Variants in CENPF observed in about 807,000 individuals in gnomAD.
CENPF encodes AH antigen.
In CENPF, 214 loss-of-function variants were observed where a neutral mutation model predicts 307.3. The ratio of observed to expected loss-of-function variants is 0.70; its 90% CI spans 0.62 to 0.78. The LOEUF is 0.78. Ranked by LOEUF, CENPF falls within the 30% of genes least tolerant of loss-of-function variation. The pLI, the probability that CENPF is intolerant of heterozygous loss-of-function variation, is 0.00. For synonymous variants in CENPF, 1,259 were observed against 1,270.6 expected (o/e 0.99, Z 0.19); for missense variants, 3,401 against 3,483.9 (o/e 0.98, Z 0.60).
At chr1:214,605,636 G>A (rs1657003972) in intron 1 of CENPF, 10 of 1,512,368 alleles carry the variant, frequency 6.6e-6, no homozygotes, top group East Asian at 2.3e-5. Flanking sequence ...AGGTCCGGGG[G>A]CTGCCTTATT....
intron 2 of CENPF, 85 bp downstream of exon 2, chr1:214,614,001 G>C: frequency 8.0e-7 from 1 of 1,254,706 alleles, no homozygotes; most frequent in Non-Finnish European, 1.1e-6. Context: ...ACTCATTTTT[G>C]GATTAATTAT....
chr1:214,626,394 C>G (rs1487716624), intron 7 of CENPF, among the ~76,000 whole-genome samples: 1 of 152,116 alleles, frequency 6.6e-6, no homozygotes, highest in Non-Finnish European at 1.5e-5. Context: ...TGTGATTATT[C>G]CATCTTCCTG....
At chr1:214,660,440 A>T (rs1240915040) in intron 19 of CENPF, among the ~76,000 whole-genome samples, 1 of 152,228 alleles carries the variant, frequency 6.6e-6, no homozygotes, top group Non-Finnish European at 1.5e-5. Flanking sequence ...GAGAATATAT[A>T]TTTAATATAC....
chr1:214,647,060 T>C lies in CENPF; in HGVS notation c.7490T>C (p.Ile2497Thr), dbSNP rs1341818687. Residue 2497 changes from isoleucine (I) to threonine (T), a missense_variant, in exon 13 of 20, where the codon ATT becomes ACT. Ile to Thr is a moderately conservative substitution (Grantham distance 89). Transcript: ENST00000366955. ...CTTGATGAGGCCAAAAATAATTATA[T>C]TGTTTTGCAATCTTCAGTGAATGGC... is the stretch of plus-strand genomic sequence containing the variant. The part of the protein sequence containing the change: ...QGLDEAKNNY[I>T]VLQSSVNGLI... 1.9e-6 allele frequency: 3 copies of C among 1,614,096 alleles called. No individual in the cohort carries two copies. The highest frequency in any genetic ancestry group is 3.3e-5 in the Admixed American group (2 of 60,010).
chr1:214,609,711 T>C (rs1203308531), intron 1 of CENPF, among the ~76,000 whole-genome samples: 3 of 152,224 alleles, frequency 2.0e-5, no homozygotes, highest in East Asian at 3.8e-4. Flanking sequence ...ACTCAATAGT[T>C]ATTTTTTCTT....
At chr1:214,635,224 C>T (rs1308479372) in intron 10 of CENPF, among the ~76,000 whole-genome samples, 2 of 152,182 alleles carry the variant, frequency 1.3e-5, no homozygotes, top group Admixed American at 6.5e-5. Flanking sequence ...TGCATCCATC[C>T]CTTATCCAAG....
chr1:214,617,031 T>TTTCTTTC (rs1185306096), intron 3 of CENPF, among the ~76,000 whole-genome samples: 3 of 147,396 alleles, frequency 2.0e-5, no homozygotes, highest in African/African-American at 7.5e-5. Context: ...TTTCTCTTTC[T>TTTCTTTC]TTCTTTCTTC....
In CENPF at chr1:214,648,916, T is replaced by C. The variant is rs572758017; in HGVS notation, c.7983+89T>C. 2.7e-5 allele frequency: 36 copies of C among 1,311,808 alleles called. No individual in the cohort carries two copies. In the East Asian group the frequency reaches 8.5e-4, roughly 31 times the overall value. The allele number at this position is 1,311,808 out of a possible 1,614,324, so 81.3% of individuals were successfully genotyped here. A position where few individuals can be genotyped will look rare whatever the true frequency, so the allele number is the denominator to read the frequency against. ...GGTTCCTGTAAGACCTTCTGTTGTT[T>C]ACCTAACTTATTTTTAGCTCTTGAA... is the stretch of plus-strand genomic sequence containing the variant. On this transcript the variant is annotated intron_variant, in intron 14 of 19. Coordinates refer to ENST00000366955, the MANE Select transcript of CENPF (RefSeq NM_016343.4).
intron 12 of CENPF, 148 bp downstream of exon 12, chr1:214,643,472 A>G: frequency 1.6e-6 from 1 of 638,910 alleles, no homozygotes; most frequent in Non-Finnish European, 2.3e-6. Flanking sequence ...TATTTTCAAA[A>G]CAAACCAGAA....
chr1:214,641,236 A>T lies in CENPF; in HGVS notation c.2898A>T (p.Lys966Asn). 1.2e-6 allele frequency: 2 copies of T among 1,603,014 alleles called. No individual in the cohort carries two copies. The highest frequency in any genetic ancestry group is 1.7e-6 in the Non-Finnish European group (2 of 1,177,090). ...KEMSSIISLNKREIEELTQEN... is the reference protein window; with the variant it reads ...KEMSSIISLNNREIEELTQEN... ...TGAGTTCCATCATTTCTCTAAATAAAAGGGAAATTGAAGAGCTGACCCAAG... is the reference window on the plus strand; with the variant it reads ...TGAGTTCCATCATTTCTCTAAATAATAGGGAAATTGAAGAGCTGACCCAAG... Residue 966 changes from lysine to asparagine, a missense_variant, in exon 12 of 20, where the codon AAA becomes AAT. Lys to Asn is a moderately conservative substitution (Grantham distance 94, BLOSUM62 0). Coordinates refer to ENST00000366955, the MANE Select transcript of CENPF (RefSeq NM_016343.4).
Position 214,648,756 on chromosome 1 carries a change from G to A in CENPF, c.7912G>A (p.Glu2638Lys). 6.2e-7 allele frequency: 1 copy of A among 1,614,076 alleles called. No individual in the cohort carries two copies. Among genetic ancestry groups the A allele is most frequent in the Non-Finnish European group, 8.5e-7 (1 of 1,179,942 alleles). Residue 2638 changes from glutamate to lysine, a missense_variant, in exon 14 of 20, where the codon GAA becomes AAA. By Grantham distance (56) the Glu-to-Lys change is moderately conservative (BLOSUM62 1). Coordinates refer to ENST00000366955, the MANE Select transcript of CENPF (RefSeq NM_016343.4). ...ACAGAAAACAGCAGAGCTGCAAGAA[G>A]AACTCAGTGGAGAGAAAAATAGGCT... is the stretch of plus-strand genomic sequence containing the variant. ...MAQKTAELQE[E>K]LSGEKNRLAG... is the part of the protein sequence containing the mutation.
intron 10 of CENPF, 143 bp from the exon 11 acceptor site, chr1:214,637,723 C>A: frequency 1.4e-6 from 1 of 705,196 alleles, no homozygotes; most frequent in Non-Finnish European, 2.3e-6. Context: ...TGTCTGACTT[C>A]ATTAGGTACT....
chr1:214,655,476 C>A, intron 17 of CENPF, 73 bp downstream of exon 17: 1 of 1,235,014 alleles, frequency 8.1e-7, no homozygotes, highest in Non-Finnish European at 1.1e-6. Context: ...GGTATGCGTG[C>A]ATAGGAACTA....
chr1:214,605,307 T>C (rs1380602965), intron 1 of CENPF, among the ~76,000 whole-genome samples: 1 of 152,228 alleles, frequency 6.6e-6, no homozygotes, highest in Non-Finnish European at 1.5e-5. Flanking sequence ...GAAAGCTTAC[T>C]GTTTCTAAGG....
chr1:214,608,709 C>T (rs1657109602), intron 1 of CENPF: 2 of 1,594,656 alleles, frequency 1.3e-6, no homozygotes, highest in Admixed American at 1.7e-5. Context: ...CCCCACCAGG[C>T]CCCGGCTCGG....
At position 214,646,683 on chromosome 1, in the gene CENPF, A is replaced by C; in HGVS notation, c.7113A>C (p.Ala2371=). The change falls in exon 13 of 20, where the codon GCA becomes GCC. Residue 2371 remains alanine (A), a synonymous_variant. Transcript: ENST00000366955. ...NSKGEVETLK[A]KIEGMTQSLR... is the part of the protein sequence containing the mutation. The stretch of plus-strand genomic sequence containing the variant: ...AAGGAGAGGTAGAGACCCTAAAAGC[A>C]AAAATAGAAGGGATGACCCAAAGTC... 7.4e-6 allele frequency: 12 copies of C among 1,614,034 alleles called. No homozygotes were observed. Among genetic ancestry groups the C allele is most frequent in the Non-Finnish European group, 1.0e-5 (12 of 1,180,000 alleles).
At chr1:214,617,256 C>T (rs1165271553) in intron 3 of CENPF, among the ~76,000 whole-genome samples, 1 of 151,912 alleles carries the variant, frequency 6.6e-6, no homozygotes, top group African/African-American at 2.4e-5. Flanking sequence ...CCAAGTTGGC[C>T]AGGCTGATCT....
intron 1 of CENPF, chr1:214,608,327 C>T: frequency 1.9e-6 from 3 of 1,599,488 alleles, no homozygotes; most frequent in Non-Finnish European, 2.6e-6. Flanking sequence ...GTGCGCAGGG[C>T]CTGCCAGGCG....
intron 1 of CENPF, chr1:214,608,653 G>C (rs1248739329): frequency 1.9e-6 from 3 of 1,602,242 alleles, no homozygotes; most frequent in Non-Finnish European, 2.5e-6. Flanking sequence ...CCAGCGCCCG[G>C]GTGCGCCCGA....
Sources: gnomAD v4.1 joint callset for allele counts (sites outside exome capture counted in the v4.1 genomes callset) on GRCh38, gnomAD v4.1.1 for gene constraint, MANE v1.5 for transcripts, NCBI Gene and HGNC (gene_info 2026-07-23, HGNC 2026-07-21) for gene names.